Variants in KIAA1328 observed in about 807,000 individuals in gnomAD.
KIAA1328 encodes the protein protein hinderin.
KIAA1328 carries 52 observed loss-of-function variants against 68.1 expected under a neutral mutation model. The observed-to-expected ratio is 0.76, with a 90% confidence interval of 0.61 to 0.96. The LOEUF (loss-of-function observed/expected upper bound fraction) is 0.96, where lower values mean the gene tolerates loss of function less well. Ranked by LOEUF, KIAA1328 falls within the 40% of genes least tolerant of loss-of-function variation. KIAA1328 has a pLI of 0.00. For synonymous variants in KIAA1328, 232 were observed against 239.4 expected, an observed-to-expected ratio of 0.97 and a Z score of 0.28; for missense variants, 641 against 677.6, an observed-to-expected ratio of 0.95 and a Z score of 0.60.
chr18:36,886,972 A>T (rs2048522618), intron 5 of KIAA1328, among the ~76,000 whole-genome samples: 1 of 152,238 alleles, frequency 6.6e-6, no homozygotes, highest in African/African-American at 2.4e-5. Context: ...TAGGAAATTA[A>T]TACAATCAGA....
At position 37,150,816 on chromosome 18, in the gene KIAA1328, G is replaced by A. The variant is rs569499679; in HGVS notation, c.1233-9384G>A. Among the ~76,000 whole-genome samples, 3 of 152,142 alleles carry A rather than the reference G, an allele frequency of 2.0e-5. No individual in the cohort carries two copies. In the East Asian group the frequency reaches 5.8e-4, roughly 29 times the overall value. On this transcript the variant is annotated intron_variant, in intron 7 of 9. Coordinates refer to ENST00000280020, the MANE Select transcript of KIAA1328 (RefSeq NM_020776.3). ...ACTCATCCAGTGCTTATTCATTATA[G>A]GAAGAAAAAAAAGACCTCTCATCAA...
intron 9 of KIAA1328, among the ~76,000 whole-genome samples, chr18:37,199,836 T>C (rs1250162929): frequency 6.6e-6 from 1 of 152,244 alleles, no homozygotes; most frequent in Non-Finnish European, 1.5e-5. Flanking sequence ...TTTGCATTTC[T>C]TTAATGATCA....
intron 7 of KIAA1328, among the ~76,000 whole-genome samples, chr18:37,109,981 G>T (rs986257918): frequency 4.0e-5 from 6 of 151,780 alleles, no homozygotes; most frequent in African/African-American, 1.5e-4. Context: ...ACCAGAGGTA[G>T]CATCTTAGAT....
intron 6 of KIAA1328, among the ~76,000 whole-genome samples, chr18:37,054,778 A>G (rs530576874): frequency 6.6e-6 from 1 of 152,214 alleles, no homozygotes; most frequent in South Asian, 2.1e-4. Context: ...GTACATCCAC[A>G]TAACAAATTT....
chr18:36,837,395 TCAGA>T (rs2046714193), intron 3 of KIAA1328, among the ~76,000 whole-genome samples: 2 of 152,206 alleles, frequency 1.3e-5, no homozygotes. Context: ...TGTATCTTCG[TCAGA>T]CAAATATCTA....
intron 7 of KIAA1328, among the ~76,000 whole-genome samples, chr18:37,071,869 C>T (rs2056545800): frequency 6.6e-6 from 1 of 152,046 alleles, no homozygotes; most frequent in Non-Finnish European, 1.5e-5. Context: ...CCTTACCCTC[C>T]CCCATTTATA....
intron 9 of KIAA1328, among the ~76,000 whole-genome samples, chr18:37,184,147 T>C (rs888912629): frequency 4.6e-5 from 7 of 152,340 alleles, no homozygotes; most frequent in African/African-American, 1.7e-4. Flanking sequence ...GACATTCCAG[T>C]AGACATCTAT....
At chr18:37,023,750 A>G (rs1213104790) in intron 6 of KIAA1328, among the ~76,000 whole-genome samples, 1 of 152,194 alleles carries the variant, frequency 6.6e-6, no homozygotes, top group Non-Finnish European at 1.5e-5. Context: ...TTATCTCTGC[A>G]GTGTCCCCCC....
chr18:37,002,263 T>A (rs1204363675), intron 6 of KIAA1328, among the ~76,000 whole-genome samples: 1 of 147,582 alleles, frequency 6.8e-6, no homozygotes, highest in Non-Finnish European at 1.5e-5. Context: ...CAGTATCTCA[T>A]TCTGTTGTGA....
rs2060303739 is a variant in KIAA1328 at position 37,210,905 on chromosome 18, A to G, written c.1524-11112A>G. ...AAAGTACTGTCAATAAACTTATTGA[A>G]CAAAATTAGCAATGAGGTACAACTG... On this transcript the variant is annotated intron_variant, in intron 9 of 9. Transcript: ENST00000280020. 2.0e-5 allele frequency among the ~76,000 whole-genome samples: 3 copies of G among 152,184 alleles called. No individual in the cohort carries two copies. In the South Asian group the frequency reaches 6.2e-4, roughly 31 times the overall value.
intron 7 of KIAA1328, among the ~76,000 whole-genome samples, chr18:37,136,698 G>A (rs952429397): frequency 9.2e-5 from 14 of 152,194 alleles, no homozygotes; most frequent in African/African-American, 2.9e-4. Flanking sequence ...GACAATCTTC[G>A]TACTTTGGTT....
At chr18:36,839,033 T>C (rs2046772876) in intron 3 of KIAA1328, among the ~76,000 whole-genome samples, 1 of 152,140 alleles carries the variant, frequency 6.6e-6, no homozygotes, top group Non-Finnish European at 1.5e-5. Context: ...ATGCCCATCC[T>C]ACCTTGGAGT....
At chr18:36,985,078 G>C (rs529405422) in intron 6 of KIAA1328, among the ~76,000 whole-genome samples, 1 of 152,220 alleles carries the variant, frequency 6.6e-6, no homozygotes, top group South Asian at 2.1e-4. Flanking sequence ...AAGGCAGGAG[G>C]ATTACTTGAG....
At chr18:37,164,705 C>T (rs1474950050) in intron 8 of KIAA1328, among the ~76,000 whole-genome samples, 10 of 152,166 alleles carry the variant, frequency 6.6e-5, no homozygotes, top group Non-Finnish European at 1.2e-4. Context: ...GAGATCACTC[C>T]ACTGCACTCC....
intron 7 of KIAA1328, among the ~76,000 whole-genome samples, chr18:37,092,549 C>T (rs911367409): frequency 6.6e-6 from 1 of 152,018 alleles, no homozygotes; most frequent in Non-Finnish European, 1.5e-5. Context: ...GGATAGGGCT[C>T]TCTTTGCCTA....
chr18:36,844,328 A>G (rs773495684), intron 4 of KIAA1328, 26 bp downstream of exon 4: 1 of 1,434,728 alleles, frequency 7.0e-7, no homozygotes, highest in Non-Finnish European at 9.5e-7. Flanking sequence ...ATATGAAATG[A>G]TTTATTATAC....
At chr18:37,005,427 T>C (rs539085815) in intron 6 of KIAA1328, among the ~76,000 whole-genome samples, 3,228 of 72,408 alleles carry the variant, frequency 0.045, 60 homozygotes, top group Non-Finnish European at 0.089. Context: ...AGAATAGCTA[T>C]TATTTAAAAA....
At chr18:37,117,472 A>G (rs2058145185) in intron 7 of KIAA1328, among the ~76,000 whole-genome samples, 1 of 152,120 alleles carries the variant, frequency 6.6e-6, no homozygotes, top group Admixed American at 6.6e-5. Context: ...GGTAGCGAAC[A>G]TCCCACACTG....
chr18:36,845,723 A>G (rs970237336), intron 4 of KIAA1328, among the ~76,000 whole-genome samples: 30 of 151,800 alleles, frequency 2.0e-4, no homozygotes, highest in African/African-American at 7.0e-4. Context: ...TGCTGGCATA[A>G]GGATAGACAT....
Sources: allele counts gnomAD v4.1 joint callset (sites outside exome capture counted in the v4.1 genomes callset), GRCh38; gene constraint gnomAD v4.1.1; transcripts MANE v1.5; gene names NCBI Gene and HGNC (gene_info 2026-07-23, HGNC 2026-07-21).